The following PUM3 variants were observed in gnomAD, a reference collection of about 807,000 sequenced individuals.
PUM3 encodes the protein pumilio RNA binding family member 3.
PUM3 carries 91 observed loss-of-function variants against 84.0 expected under a neutral mutation model. That is an observed-to-expected ratio of 1.08 (90% CI 0.91 to 1.29). The LOEUF (loss-of-function observed/expected upper bound fraction) is 1.29, where lower values mean the gene tolerates loss of function less well. Ranked by LOEUF, PUM3 falls within the 50% of genes most tolerant of loss-of-function variation. The probability of loss-of-function intolerance (pLI) is 0.00; values close to 1 mark genes in which losing one functional copy is unlikely to be tolerated. For synonymous variants in PUM3, 321 were observed against 266.7 expected (o/e 1.20, Z -1.98); for missense variants, 1,067 against 767.5 (o/e 1.39, Z -4.61).
At chr9:2,807,529 G>C (rs965289677) in intron 17 of PUM3, among the ~76,000 whole-genome samples, 5 of 147,518 alleles carry the variant, frequency 3.4e-5, no homozygotes, top group African/African-American at 1.3e-4. Context: ...CTTGAGCCCA[G>C]GAGGTTGAGG....
At chr9:2,804,560 C>A (rs1032332437) in intron 17 of PUM3, 97 bp from the exon 18 acceptor site, 12 of 1,150,996 alleles carry the variant, frequency 1.0e-5, no homozygotes, top group African/African-American at 1.6e-5. Flanking sequence ...AACTGTGACA[C>A]AAGCCTTGTA....
chr9:2,817,751 T>G (rs1821500923), intron 13 of PUM3, among the ~76,000 whole-genome samples: 1 of 152,210 alleles, frequency 6.6e-6, no homozygotes, highest in African/African-American at 2.4e-5. Flanking sequence ...ACTGTATTTG[T>G]CAAGTTTTAT....
intron 8 of PUM3, 40 bp from the exon 9 acceptor site, chr9:2,828,818 T>A: frequency 9.1e-7 from 1 of 1,099,660 alleles, no homozygotes; most frequent in Non-Finnish European, 1.4e-6. Flanking sequence ...CTAAATTTAA[T>A]CAATTTTTTC....
intron 10 of PUM3, among the ~76,000 whole-genome samples, chr9:2,826,551 A>G (rs1815824865): frequency 6.6e-6 from 1 of 152,228 alleles, no homozygotes; most frequent in African/African-American, 2.4e-5. Flanking sequence ...ATGATGAGGC[A>G]AGCAAAGTTC....
intron 17 of PUM3, 48 bp downstream of exon 17, chr9:2,807,765 CT>C: frequency 8.3e-7 from 1 of 1,211,522 alleles, no homozygotes; most frequent in South Asian, 1.2e-5. Flanking sequence ...GGAAGTGTGT[CT>C]TTTGCATGAC....
intron 12 of PUM3, among the ~76,000 whole-genome samples, chr9:2,821,009 T>C (rs1279696678): frequency 6.6e-6 from 1 of 152,192 alleles, no homozygotes; most frequent in African/African-American, 2.4e-5. Flanking sequence ...TAGCCCACAA[T>C]CATTCAGAGC....
chr9:2,830,036 C>G (rs1815933715), intron 7 of PUM3, 88 bp from the exon 8 acceptor site: 1 of 1,157,704 alleles, frequency 8.6e-7, no homozygotes, highest in Non-Finnish European at 1.3e-6. Flanking sequence ...CCAAGACCAA[C>G]TCATCAATCT....
At chr9:2,814,009 T>C (rs1410885011) in intron 13 of PUM3, among the ~76,000 whole-genome samples, 9 of 56,798 alleles carry the variant, frequency 1.6e-4, no homozygotes, top group Admixed American at 1.5e-3. Context: ...AGTATAAAGA[T>C]TCCCATGTAA....
At chr9:2,830,912 T>A (rs747574972) in intron 7 of PUM3, 50 bp downstream of exon 7, 1 of 939,696 alleles carries the variant, frequency 1.1e-6, no homozygotes, top group Non-Finnish European at 1.7e-6. Flanking sequence ...TTGGAAACCA[T>A]GTCTTCAAAA....
At chr9:2,836,264 T>C (rs986953877) in intron 3 of PUM3, among the ~76,000 whole-genome samples, 2 of 152,106 alleles carry the variant, frequency 1.3e-5, no homozygotes, top group Non-Finnish European at 2.9e-5. Context: ...TGGTCTCAGC[T>C]GGCAACAAAG....
intron 12 of PUM3, 103 bp from the exon 13 acceptor site, chr9:2,820,201 CAAAAAAA>C: frequency 4.8e-5 from 7 of 146,882 alleles, no homozygotes; most frequent in South Asian, 2.9e-4. Flanking sequence ...AGACTCCGCT[CAAAAAAA>C]AAAAAAAAAA....
chr9:2,839,065 G>C (rs1253401217), intron 1 of PUM3, among the ~76,000 whole-genome samples: 1 of 152,194 alleles, frequency 6.6e-6, no homozygotes, highest in Non-Finnish European at 1.5e-5. Context: ...GATTGTTTTA[G>C]ACGCAGCCAA....
intron 13 of PUM3, among the ~76,000 whole-genome samples, chr9:2,816,787 T>A (rs1053767354): frequency 6.6e-6 from 1 of 152,200 alleles, no homozygotes; most frequent in African/African-American, 2.4e-5. Flanking sequence ...ACTATAGTAG[T>A]TGAGTGGGTG....
intron 16 of PUM3, among the ~76,000 whole-genome samples, chr9:2,808,452 C>T (rs375482380): frequency 6.6e-6 from 1 of 152,178 alleles, no homozygotes; most frequent in Non-Finnish European, 1.5e-5. Context: ...TCCCGTTATT[C>T]TAGTATTTGA....
chr9:2,804,893 A>C (rs1385569903), intron 17 of PUM3, among the ~76,000 whole-genome samples: 1 of 152,186 alleles, frequency 6.6e-6, no homozygotes, highest in Non-Finnish European at 1.5e-5. Flanking sequence ...TATGCCCACC[A>C]CGTGGCTGAA....
At chr9:2,805,774 T>C (rs1375673916) in intron 17 of PUM3, among the ~76,000 whole-genome samples, 2 of 151,988 alleles carry the variant, frequency 1.3e-5, no homozygotes, top group East Asian at 1.9e-4. Context: ...ATAACGACCA[T>C]AGGGTTATCA....
intron 14 of PUM3, 147 bp from the exon 15 acceptor site, chr9:2,811,730 TAAGTG>T (rs1462604646): frequency 7.9e-6 from 5 of 635,384 alleles, no homozygotes; most frequent in Non-Finnish European, 1.4e-5. Flanking sequence ...ATGTAGACAA[TAAGTG>T]ATACGAGTAT....
intron 5 of PUM3, 137 bp downstream of exon 5, chr9:2,833,220 T>C: frequency 2.1e-6 from 1 of 482,474 alleles, no homozygotes; most frequent in Non-Finnish European, 3.7e-6. Flanking sequence ...AGTTCAGTGT[T>C]ATGGAAGATA....
intron 17 of PUM3, among the ~76,000 whole-genome samples, chr9:2,806,540 C>T (rs1339121229): frequency 6.6e-6 from 1 of 152,156 alleles, no homozygotes; most frequent in Admixed American, 6.5e-5. Flanking sequence ...TATCTGTTTT[C>T]CCAAACCTTA....
Sources: allele counts gnomAD v4.1 joint callset (sites outside exome capture counted in the v4.1 genomes callset), GRCh38; gene constraint gnomAD v4.1.1; transcripts MANE v1.5; gene names NCBI Gene and HGNC (gene_info 2026-07-23, HGNC 2026-07-21).